Variants in ERC2 observed in about 807,000 individuals in gnomAD.
The protein encoded by ERC2 is ERC protein 2.
In ERC2, 42 loss-of-function variants were observed where a neutral mutation model predicts 114.8. That is an observed-to-expected ratio of 0.37 (90% CI 0.29 to 0.47). The LOEUF is 0.47. Ranked by LOEUF, ERC2 falls within the 20% of genes least tolerant of loss-of-function variation. The pLI is 0.99. For synonymous variants in ERC2, 454 were observed against 425.5 expected (o/e 1.07, Z -0.82); for missense variants, 939 against 1,150.7 (o/e 0.82, Z 2.66).
chr3:56,090,037 C>T (rs867535989), intron 6 of ERC2, among the ~76,000 whole-genome samples: 23 of 152,234 alleles, frequency 1.5e-4, no homozygotes, highest in Middle Eastern at 3.4e-3. Context: ...AAATTTTTGA[C>T]GAATAATCAT....
At chr3:56,048,911 C>G (rs1046439206) in intron 7 of ERC2, among the ~76,000 whole-genome samples, 2 of 152,120 alleles carry the variant, frequency 1.3e-5, no homozygotes, top group African/African-American at 4.8e-5. Flanking sequence ...GGGTTTGCAG[C>G]TGAGTTACGT....
chr3:56,191,846 A>T, intron 3 of ERC2, among the ~76,000 whole-genome samples: 1 of 151,938 alleles, frequency 6.6e-6, no homozygotes, highest in Admixed American at 6.6e-5. Flanking sequence ...CTCAAATCTC[A>T]TCTGCTGCAC....
chr3:56,453,669 A>G (rs1332368910), intron 1 of ERC2, among the ~76,000 whole-genome samples: 5 of 152,214 alleles, frequency 3.3e-5, no homozygotes, highest in Admixed American at 2.0e-4. Flanking sequence ...TTATTTTCAG[A>G]TACAGATGCA....
At position 56,007,181 on chromosome 3, in the gene ERC2, C is replaced by G. The variant is rs2072561353; in HGVS notation, c.2061G>C (p.Lys687Asn). The G allele has an allele frequency of 6.4e-7, 1 of 1,554,884 alleles. No individual in the cohort carries two copies. Among genetic ancestry groups the G allele is most frequent in the African/African-American group, 1.4e-5 (1 of 73,296 alleles). Residue 687 changes from lysine (K) to asparagine (N), a missense_variant and splice_region_variant, in exon 10 of 18, where the codon AAG becomes AAC. Around this residue, in one of 5 missense-constraint regions of ERC2, gnomAD observed 328 missense variants for 353.9 expected, o/e 0.93. Transcript: ENST00000288221. ...ECSKLEAQLK[K>N]AHNIEDDSRM... ...ATTCTTTTTCTTAGACTTCACTTAC[C>G]TTTTTTAACTGTGCTTCCAATTTGC...
At chr3:56,316,598 TTACACACACAAACAGA>T in intron 2 of ERC2, among the ~76,000 whole-genome samples, 1 of 151,820 alleles carries the variant, frequency 6.6e-6, no homozygotes, top group Non-Finnish European at 1.5e-5. Flanking sequence ...ATGAATAAAT[TTACACACACAAACAGA>T]TACACACACA....
chr3:56,229,819 A>T (rs1462939601), intron 3 of ERC2, among the ~76,000 whole-genome samples: 1 of 145,424 alleles, frequency 6.9e-6, no homozygotes, highest in Non-Finnish European at 1.5e-5. Flanking sequence ...AGCTCTAAAA[A>T]CTCTATAGGT....
intron 9 of ERC2, among the ~76,000 whole-genome samples, chr3:56,009,884 G>A (rs1373039767): frequency 1.3e-5 from 2 of 152,070 alleles, no homozygotes; most frequent in Admixed American, 6.6e-5. Context: ...ATTCATGTTT[G>A]CTATGGTATA....
intron 6 of ERC2, among the ~76,000 whole-genome samples, chr3:56,130,136 T>C (rs566775006): frequency 2.0e-4 from 30 of 152,310 alleles, no homozygotes; most frequent in Admixed American, 3.9e-4. Flanking sequence ...TTTAGTACAA[T>C]GGAAAATAAG....
At chr3:56,033,223 C>T (rs1560059528) in intron 7 of ERC2, among the ~76,000 whole-genome samples, 1 of 152,108 alleles carries the variant, frequency 6.6e-6, no homozygotes, top group Non-Finnish European at 1.5e-5. Context: ...GAGACCCCAT[C>T]TCTACAAAAA....
intron 14 of ERC2, among the ~76,000 whole-genome samples, chr3:55,824,511 TG>T (rs1364958529): frequency 2.0e-5 from 3 of 152,242 alleles, no homozygotes; most frequent in Non-Finnish European, 4.4e-5. Context: ...AGCAGTTAGT[TG>T]ACTCCAACTA....
At chr3:56,122,039 G>A (rs972721751) in intron 6 of ERC2, among the ~76,000 whole-genome samples, 11 of 152,272 alleles carry the variant, frequency 7.2e-5, no homozygotes, top group African/African-American at 2.6e-4. Context: ...TTGCCAAAAT[G>A]GATGAAAGGT....
At chr3:56,022,898 C>A (rs1248171390) in intron 7 of ERC2, among the ~76,000 whole-genome samples, 1 of 152,084 alleles carries the variant, frequency 6.6e-6, no homozygotes, top group Non-Finnish European at 1.5e-5. Flanking sequence ...TCAGAAGGAG[C>A]CAGTACTGCT....
intron 5 of ERC2, among the ~76,000 whole-genome samples, chr3:56,140,863 A>C (rs2080816547): frequency 6.6e-6 from 1 of 152,016 alleles, no homozygotes; most frequent in Non-Finnish European, 1.5e-5. Context: ...CTCTCCACTA[A>C]AAATACAAAA....
intron 17 of ERC2, among the ~76,000 whole-genome samples, chr3:55,520,292 C>T (rs555703531): frequency 6.1e-4 from 93 of 151,792 alleles, no homozygotes; most frequent in African/African-American, 2.1e-3. Context: ...AAAAATTAGC[C>T]GGGCATGGTG....
intron 2 of ERC2, among the ~76,000 whole-genome samples, chr3:56,312,115 G>T (rs2056617739): frequency 1.3e-5 from 2 of 152,106 alleles, no homozygotes; most frequent in South Asian, 4.1e-4. Flanking sequence ...AGGGACTTGA[G>T]CGTCCACAGA....
chr3:55,593,618 C>A (rs13315086), intron 17 of ERC2, among the ~76,000 whole-genome samples: 3,344 of 152,288 alleles, frequency 0.022, 135 homozygotes, highest in African/African-American at 0.075. Flanking sequence ...CTGATGACAC[C>A]TTTCCTCCCC....
intron 15 of ERC2, among the ~76,000 whole-genome samples, chr3:55,726,482 T>G (rs1229224688): frequency 3.9e-5 from 6 of 152,340 alleles, no homozygotes; most frequent in Non-Finnish European, 8.8e-5. Flanking sequence ...CTTACTTTCC[T>G]GGACAGGACG....
At chr3:56,096,303 T>G (rs2078058836) in intron 6 of ERC2, among the ~76,000 whole-genome samples, 1 of 152,230 alleles carries the variant, frequency 6.6e-6, no homozygotes, top group Non-Finnish European at 1.5e-5. Flanking sequence ...ACAATAATGA[T>G]AACATTAGCT....
At chr3:56,144,042 G>A (rs2081010964) in intron 5 of ERC2, among the ~76,000 whole-genome samples, 1 of 152,180 alleles carries the variant, frequency 6.6e-6, no homozygotes, top group Non-Finnish European at 1.5e-5. Context: ...CAAATCTAAA[G>A]GATTGGTAGT....
Sources: allele counts gnomAD v4.1 joint callset (sites outside exome capture counted in the v4.1 genomes callset), GRCh38; gene constraint gnomAD v4.1.1; regional missense constraint gnomAD v4.1.1; transcripts MANE v1.5; gene names NCBI Gene and HGNC (gene_info 2026-07-23, HGNC 2026-07-21).